Variants in DYNC2H1 observed in about 807,000 individuals in gnomAD.
The protein encoded by DYNC2H1 is cytoplasmic dynein 2 heavy chain 1.
In DYNC2H1, 410 loss-of-function variants were observed where a neutral mutation model predicts 570.0. That is an observed-to-expected ratio of 0.72 (90% confidence interval 0.66 to 0.78). The LOEUF (loss-of-function observed/expected upper bound fraction) is 0.78. DYNC2H1 is among the 30% of genes least tolerant of loss of function. DYNC2H1 has a pLI of 0.00. For missense variants in DYNC2H1, 4,865 were observed against 5,046.4 expected (o/e 0.96, Z 1.09); for synonymous variants, 1,688 against 1,677.6 (o/e 1.01, Z -0.15).
At chr11:103,335,884 G>A (rs557931632) in intron 82 of DYNC2H1, among the ~76,000 whole-genome samples, 68 of 152,216 alleles carry the variant, frequency 4.5e-4, no homozygotes, top group African/African-American at 1.5e-3. Context: ...CATTCTATAC[G>A]TGAGGATATT....
In DYNC2H1 at chr11:103,179,281, T is replaced by A. The variant is rs1056799767; in HGVS notation, c.6347+48T>A. ...ACAGTATATTAGAATATTCTTTTAC[T>A]GTCCTGGTTTCATATTAAGTAAAAT... is the stretch of plus-strand genomic sequence containing the variant. On this transcript the variant is annotated intron_variant, in intron 39 of 88. Coordinates refer to ENST00000375735, the MANE Select transcript of DYNC2H1 (RefSeq NM_001377.3). The A allele has an allele frequency of 3.9e-6, 6 of 1,542,886 alleles. No homozygotes were observed. The African/African-American group carries it at 8.2e-5, about 21-fold the overall frequency.
chr11:103,255,376 C>T (rs1336497965), intron 66 of DYNC2H1, 39 bp from the exon 67 acceptor site: 3 of 1,532,376 alleles, frequency 2.0e-6, no homozygotes, highest in Non-Finnish European at 2.6e-6. Flanking sequence ...TGTTTTAAGC[C>T]TTATTGCTAG....
intron 57 of DYNC2H1, among the ~76,000 whole-genome samples, chr11:103,221,241 A>C (rs575725342): frequency 2.6e-5 from 4 of 152,308 alleles, no homozygotes; most frequent in African/African-American, 9.6e-5. Flanking sequence ...GTATTAACAA[A>C]ATATGAAACC....
At chr11:103,359,909 C>T (rs1418482719) in intron 83 of DYNC2H1, among the ~76,000 whole-genome samples, 5 of 152,206 alleles carry the variant, frequency 3.3e-5, no homozygotes, top group South Asian at 2.1e-4. Context: ...AGGTGGTCCA[C>T]CTGCCTCAGC....
chr11:103,356,317 G>C (rs1273595761), intron 82 of DYNC2H1, among the ~76,000 whole-genome samples: 5 of 152,006 alleles, frequency 3.3e-5, no homozygotes, highest in African/African-American at 4.8e-5. Flanking sequence ...TTTATTTTAT[G>C]TTTGAACTCC....
At chr11:103,195,871 C>T (rs1862490336) in intron 47 of DYNC2H1, among the ~76,000 whole-genome samples, 1 of 152,108 alleles carries the variant, frequency 6.6e-6, no homozygotes, top group African/African-American at 2.4e-5. Context: ...TAGATTTATA[C>T]CTAACTTATA....
chr11:103,243,672 T>G lies in DYNC2H1; in HGVS notation c.9820-21T>G, dbSNP rs1440074587. 4 of 1,516,654 alleles carry G rather than the reference T, an allele frequency of 2.6e-6. No homozygotes were observed. The highest frequency in any genetic ancestry group is 3.6e-6 in the Non-Finnish European group (4 of 1,110,698). The allele number at this position is 1,516,654 out of a possible 1,614,324, so 93.9% of individuals were successfully genotyped here. ...GCTTATAATCATTAAAAAACATTAC[T>G]TTTCCTTTTTTTTATACTAGAGTCG... On this transcript the variant is annotated intron_variant, in intron 63 of 88. Coordinates refer to ENST00000375735, the MANE Select transcript of DYNC2H1 (RefSeq NM_001377.3). This position sits in a 1 kb window ranked among gnomAD's most constrained non-coding sequence, Gnocchi z 4.8.
At chr11:103,376,743 C>G (rs942919802) in intron 83 of DYNC2H1, among the ~76,000 whole-genome samples, 1 of 150,506 alleles carries the variant, frequency 6.6e-6, no homozygotes, top group African/African-American at 2.5e-5. Context: ...AGAGCAATTC[C>G]GTATTCTTTG....
At chr11:103,373,520 A>G (rs1743004612) in intron 83 of DYNC2H1, among the ~76,000 whole-genome samples, 1 of 151,840 alleles carries the variant, frequency 6.6e-6, no homozygotes, top group Non-Finnish European at 1.5e-5. Flanking sequence ...AATTTTTCTT[A>G]TTGATTTCTA....
chr11:103,445,990 G>A (rs2135780966), intron 85 of DYNC2H1, among the ~76,000 whole-genome samples: 1 of 152,122 alleles, frequency 6.6e-6, no homozygotes, highest in Middle Eastern at 3.4e-3. Flanking sequence ...TTGGTTAAGT[G>A]GTTTAGTGAG....
Position 103,124,982 on chromosome 11 carries a change from G to GT in DYNC2H1, c.1662-109dup, listed in dbSNP as rs140570273. 0.098 allele frequency: 68,230 copies of GT among 692,828 alleles called. 2,948 individuals carry two copies. Among genetic ancestry groups the GT allele is most frequent in the East Asian group, 0.11 (3,511 of 31,232 alleles). The allele number at this position is 692,828 out of a possible 1,614,324, so 42.9% of individuals were successfully genotyped here. A position where few individuals can be genotyped will look rare whatever the true frequency, so the allele number is the denominator to read the frequency against. On this transcript the variant is annotated intron_variant, in intron 11 of 88. Coordinates refer to ENST00000375735, the MANE Select transcript of DYNC2H1 (RefSeq NM_001377.3). Reference sequence around the variant, plus strand: ...ACAACTTAAAAGCTATAATTAAAAAGTTTTTTTTTACTTTGAGCTAATATT... The same window carrying GT: ...ACAACTTAAAAGCTATAATTAAAAAGTTTTTTTTTTACTTTGAGCTAATATT...
chr11:103,287,373 A>T (rs1326911708), intron 74 of DYNC2H1, among the ~76,000 whole-genome samples, 160 bp from the exon 75 acceptor site: 1 of 152,230 alleles, frequency 6.6e-6, no homozygotes, highest in Non-Finnish European at 1.5e-5. Context: ...CTTGCTATAT[A>T]CCTATTGTGA....
rs1046627943 is a variant in DYNC2H1, at chr11:103,254,917, G to A, written c.10207-498G>A. Among the ~76,000 whole-genome samples the A allele has an allele frequency of 6.6e-6, 1 of 151,660 alleles. No homozygotes were observed. Among genetic ancestry groups the A allele is most frequent in the African/African-American group, 2.4e-5 (1 of 41,268 alleles). Reference sequence around the variant, plus strand: ...CTCCCGAGTAGCTGGGATTACAGGCGCCCACCACCACGCCTGGCTAATTTT... The same window carrying A: ...CTCCCGAGTAGCTGGGATTACAGGCACCCACCACCACGCCTGGCTAATTTT... On this transcript the variant is annotated intron_variant, in intron 66 of 88. Transcript: ENST00000375735. This position sits in a 1 kb window ranked among gnomAD's most constrained non-coding sequence, Gnocchi z 4.9.
At chr11:103,351,472 A>G (rs1940050909) in intron 82 of DYNC2H1, among the ~76,000 whole-genome samples, 1 of 152,206 alleles carries the variant, frequency 6.6e-6, no homozygotes, top group Admixed American at 6.5e-5. Context: ...GGAACGCATC[A>G]TTTATCGAAG....
rs1862646782 is a variant in DYNC2H1 at position 103,199,833 on chromosome 11, T to C, written c.8089-213T>C. On this transcript the variant is annotated intron_variant, in intron 49 of 88. Coordinates refer to ENST00000375735, the MANE Select transcript of DYNC2H1 (RefSeq NM_001377.3). The surrounding 1 kb of genome is among the most constrained non-coding windows in gnomAD (Gnocchi z 4.6). The stretch of plus-strand genomic sequence containing the variant: ...AATGATCTACTTGTTTTAATTTTAA[T>C]GGCCTAGCTGTAAAATAATTAGTAT... Among the ~76,000 whole-genome samples, 2 of 152,198 alleles carry C rather than the reference T, an allele frequency of 1.3e-5. No individual in the cohort carries two copies. The highest frequency in any genetic ancestry group is 1.3e-4 in the Admixed American group (2 of 15,260).
chr11:103,127,162 G>C (rs1430808413), intron 12 of DYNC2H1, among the ~76,000 whole-genome samples: 1 of 152,120 alleles, frequency 6.6e-6, no homozygotes, highest in East Asian at 1.9e-4. Flanking sequence ...CAGAGGGTTG[G>C]GTGATCATTT....
rs639931 is a variant in DYNC2H1, at chr11:103,209,068, A to T, written c.8455-808A>T. On this transcript the variant is annotated intron_variant, in intron 52 of 88. Transcript: ENST00000375735. The surrounding 1 kb of genome is among the most constrained non-coding windows in gnomAD (Gnocchi z 4.2). ...CTCTCTGTCACAAGAATTATGGTAC[A>T]TTCGAACTCTGCATTAATGAAGACA... 3.3e-5 allele frequency among the ~76,000 whole-genome samples: 5 copies of T among 152,070 alleles called. No homozygotes were observed. Among genetic ancestry groups the T allele is most frequent in the Admixed American group, 6.6e-5 (1 of 15,260 alleles).
intron 35 of DYNC2H1, 67 bp from the exon 36 acceptor site, chr11:103,173,988 T>C: frequency 9.1e-7 from 1 of 1,100,662 alleles, no homozygotes; most frequent in Admixed American, 2.1e-5. Context: ...TGTATTTCTT[T>C]GGATGTTATG....
chr11:103,316,644 T>C lies in DYNC2H1; in HGVS notation c.11725+24T>C, dbSNP rs528968193. On this transcript the variant is annotated intron_variant, in intron 80 of 88. Transcript: ENST00000375735. ...TGGTAAGTTCTAACAAAAATTTTAATCTCATATTAATAAAATATTTTATCT... is the reference window on the plus strand; with the variant it reads ...TGGTAAGTTCTAACAAAAATTTTAACCTCATATTAATAAAATATTTTATCT... 1.9e-4 allele frequency: 278 copies of C among 1,456,928 alleles called. 3 individuals are homozygous for C. In the South Asian group the frequency reaches 3.3e-3, roughly 17 times the overall value. The allele number at this position is 1,456,928 out of a possible 1,614,324, so 90.3% of individuals were successfully genotyped here.
Sources: gnomAD v4.1 joint callset for allele counts (sites outside exome capture counted in the v4.1 genomes callset) on GRCh38, gnomAD v4.1.1 for gene constraint, Gnocchi (gnomAD v3.1) non-coding constraint, MANE v1.5 for transcripts, NCBI Gene and HGNC (gene_info 2026-07-23, HGNC 2026-07-21) for gene names.